Variants in CWF19L2 observed in about 807,000 individuals in gnomAD.
The protein encoded by CWF19L2 is CWF19 like cell cycle control factor 2, also known as CWF19-like protein 2.
Under a neutral mutation model 111.7 loss-of-function variants are expected in CWF19L2, and 98 were observed. That is an observed-to-expected ratio of 0.88 (90% CI 0.75 to 1.04). The LOEUF (loss-of-function observed/expected upper bound fraction) is 1.04. Ranked by LOEUF, CWF19L2 falls within the 50% of genes least tolerant of loss-of-function variation. The pLI, the probability that CWF19L2 is intolerant of heterozygous loss-of-function variation, is 0.00. For synonymous variants in CWF19L2, 351 were observed against 342.9 expected (o/e 1.02, Z -0.26); for missense variants, 1,101 against 1,051.4 (o/e 1.05, Z -0.65).
intron 12 of CWF19L2, among the ~76,000 whole-genome samples, chr11:107,357,433 A>G (rs1860255186): frequency 6.6e-6 from 1 of 152,246 alleles, no homozygotes; most frequent in African/African-American, 2.4e-5. Flanking sequence ...GTGCCTTCAT[A>G]TGATATAGCC....
intron 13 of CWF19L2, among the ~76,000 whole-genome samples, chr11:107,350,725 G>A (rs1860145368): frequency 6.6e-6 from 1 of 152,162 alleles, no homozygotes; most frequent in Non-Finnish European, 1.5e-5. Flanking sequence ...GTCAGATGGT[G>A]ATAAGGGGTA....
At chr11:107,350,878 A>G (rs538204988) in intron 13 of CWF19L2, among the ~76,000 whole-genome samples, 3 of 152,234 alleles carry the variant, frequency 2.0e-5, no homozygotes, top group African/African-American at 7.2e-5. Context: ...CTCCCAGGCA[A>G]AAGGAAAAGC....
chr11:107,456,164 C>T (rs1223320875), intron 1 of CWF19L2, among the ~76,000 whole-genome samples: 1 of 152,170 alleles, frequency 6.6e-6, no homozygotes, highest in African/African-American at 2.4e-5. Context: ...CTTCAATATG[C>T]AATGCCTGTA....
intron 12 of CWF19L2, among the ~76,000 whole-genome samples, chr11:107,358,919 A>C (rs1860280695): frequency 6.6e-6 from 1 of 152,186 alleles, no homozygotes; most frequent in African/African-American, 2.4e-5. Flanking sequence ...GACTTAGAAC[A>C]CAATTAGAGA....
rs547291430 is a variant in CWF19L2, at chr11:107,448,315, C to T, written c.340-5266G>A. ...AGCTGAGATCACGCCACTGCACTCCCGCCTGGCAACAGAGCGAGACTCCGT... is the reference window on the plus strand; with the variant it reads ...AGCTGAGATCACGCCACTGCACTCCTGCCTGGCAACAGAGCGAGACTCCGT... On this transcript the variant is annotated intron_variant, in intron 3 of 17. Transcript: ENST00000282251. Among the ~76,000 whole-genome samples, 64 of 144,136 alleles carry T rather than the reference C, an allele frequency of 4.4e-4. 1 individual carries two copies. The highest frequency in any genetic ancestry group is 1.6e-3 in the African/African-American group (61 of 38,902). The allele number at this position is 144,136 out of a possible 152,430, so 94.6% of individuals were successfully genotyped here.
At chr11:107,451,434 G>A (rs777551790) in intron 3 of CWF19L2, among the ~76,000 whole-genome samples, 2 of 151,054 alleles carry the variant, frequency 1.3e-5, no homozygotes, top group Non-Finnish European at 1.5e-5. Context: ...CAAAGTATTC[G>A]CAAAGAATAA....
chr11:107,433,880 TTATATATATATATATATA>T (rs61304388), intron 6 of CWF19L2, 131 bp from the exon 7 acceptor site: 148 of 122,224 alleles, frequency 1.2e-3, no homozygotes, highest in Middle Eastern at 3.9e-3. Context: ...CTTTGGAATT[TTATATATATATATATATA>T]TATATATATA....
chr11:107,334,073 G>A (rs897109081), intron 16 of CWF19L2, among the ~76,000 whole-genome samples: 2 of 152,150 alleles, frequency 1.3e-5, no homozygotes, highest in Non-Finnish European at 2.9e-5. Flanking sequence ...GGCTTGAGTT[G>A]CCAACCCCAG....
intron 12 of CWF19L2, among the ~76,000 whole-genome samples, chr11:107,385,045 T>C (rs1860744825): frequency 6.6e-6 from 1 of 152,204 alleles, no homozygotes; most frequent in Non-Finnish European, 1.5e-5. Context: ...AGTGAAAGGA[T>C]TAGGCACAGT....
At position 107,368,870 on chromosome 11, in the gene CWF19L2, A is replaced by G; in HGVS notation, c.1873-15134T>C. Among the ~76,000 whole-genome samples, 2 of 138,128 alleles carry G rather than the reference A, an allele frequency of 1.4e-5. 1 individual carries two copies. The highest frequency in any genetic ancestry group is 3.1e-5 in the Non-Finnish European group (2 of 64,316). 90.6% of individuals were successfully genotyped at this position (138,128 alleles called of 152,430 possible). On this transcript the variant is annotated intron_variant, in intron 12 of 17. Coordinates refer to ENST00000282251, the MANE Select transcript of CWF19L2 (RefSeq NM_152434.3). ...GATAATAATGTATTTTAATTCAAGA[A>G]TGGTGCTTCAAAATGCCAGGTGCAT...
chr11:107,430,876 A>G (rs1861456635), intron 7 of CWF19L2, among the ~76,000 whole-genome samples: 1 of 150,504 alleles, frequency 6.6e-6, no homozygotes, highest in Non-Finnish European at 1.5e-5. Context: ...TATTTTTACC[A>G]CAAAAAAAAA....
At chr11:107,397,809 T>C (rs626280) in intron 10 of CWF19L2, among the ~76,000 whole-genome samples, 108,972 of 151,924 alleles carry the variant, frequency 0.72, 39,425 homozygotes, top group Non-Finnish European at 0.77. Flanking sequence ...CTGGTATCCA[T>C]AGCTGAGAGA....
intron 12 of CWF19L2, among the ~76,000 whole-genome samples, chr11:107,373,495 C>A (rs1466996335): frequency 1.4e-5 from 1 of 70,812 alleles, no homozygotes; most frequent in South Asian, 4.7e-4. Flanking sequence ...TGGGAGGCAC[C>A]CCCCAGGAGG....
At chr11:107,330,644 C>CCACACACACACA (rs56313409) in intron 16 of CWF19L2, among the ~76,000 whole-genome samples, 1 of 121,642 alleles carries the variant, frequency 8.2e-6, no homozygotes, top group African/African-American at 3.4e-5. Flanking sequence ...ACCCCCCCCA[C>CCACACACACACA]CACACACACA....
chr11:107,435,959 G>A (rs11212232), intron 6 of CWF19L2, among the ~76,000 whole-genome samples: 1 of 151,974 alleles, frequency 6.6e-6, no homozygotes, highest in African/African-American at 2.4e-5. Flanking sequence ...ATCAAGACCA[G>A]CCTGGCCAAC....
At chr11:107,379,903 CA>C (rs1312585748) in intron 12 of CWF19L2, among the ~76,000 whole-genome samples, 2 of 151,056 alleles carry the variant, frequency 1.3e-5, no homozygotes, top group African/African-American at 4.9e-5. Context: ...ACTAAAAATA[CA>C]AAAAAAATTA....
At position 107,434,035 on chromosome 11, in the gene CWF19L2, T is replaced by C. The variant is rs554377997; in HGVS notation, c.665-286A>G. On this transcript the variant is annotated intron_variant, in intron 6 of 17. Coordinates refer to ENST00000282251, the MANE Select transcript of CWF19L2 (RefSeq NM_152434.3). The stretch of plus-strand genomic sequence containing the variant: ...ATAAGAATAAAAGGACATAATTAAT[T>C]ACAATAAAAATAATGTGACCGCTAC... Among the ~76,000 whole-genome samples the C allele has an allele frequency of 4.0e-5, 6 of 151,016 alleles. No homozygotes were observed. The South Asian group carries it at 1.0e-3, about 26-fold the overall frequency.
intron 11 of CWF19L2, among the ~76,000 whole-genome samples, chr11:107,390,540 C>T (rs1860832517): frequency 6.6e-6 from 1 of 152,160 alleles, no homozygotes; most frequent in African/African-American, 2.4e-5. Flanking sequence ...AATTCCTTAC[C>T]ACTGTGGTGG....
At chr11:107,327,533 A>G (rs1460033522) in intron 17 of CWF19L2, among the ~76,000 whole-genome samples, 2 of 152,338 alleles carry the variant, frequency 1.3e-5, no homozygotes, top group African/African-American at 4.8e-5. Context: ...TTTTCATGAA[A>G]CAAAATCCTA....
Sources: allele counts gnomAD v4.1 joint callset (sites outside exome capture counted in the v4.1 genomes callset), GRCh38; gene constraint gnomAD v4.1.1; transcripts MANE v1.5; gene names NCBI Gene and HGNC (gene_info 2026-07-23, HGNC 2026-07-21).